The following ATXN10 variants were observed in gnomAD, a reference collection of about 807,000 sequenced individuals.
ATXN10 encodes ataxin-10.
In ATXN10, 28 loss-of-function variants were observed where a neutral mutation model predicts 52.9. That is an observed-to-expected ratio of 0.53 (90% CI 0.39 to 0.73). The LOEUF is 0.73. Ranked by LOEUF, ATXN10 falls within the 30% of genes least tolerant of loss-of-function variation. ATXN10 has a pLI of 0.00. For missense variants in ATXN10, 565 were observed against 577.0 expected, an observed-to-expected ratio of 0.98 and a Z score of 0.21; for synonymous variants, 226 against 221.5, an observed-to-expected ratio of 1.02 and a Z score of -0.18.
chr22:45,757,103 C>T lies in ATXN10; in HGVS notation c.1173+16565C>T, dbSNP rs1053907577. Among the ~76,000 whole-genome samples the T allele has an allele frequency of 1.3e-5, 2 of 152,124 alleles. No homozygotes were observed. The highest frequency in any genetic ancestry group is 4.8e-5 in the African/African-American group (2 of 41,426). On this transcript the variant is annotated intron_variant, in intron 9 of 11. Coordinates refer to ENST00000252934, the MANE Select transcript of ATXN10 (RefSeq NM_013236.4). This position sits in a 1 kb window ranked among gnomAD's most constrained non-coding sequence, Gnocchi z 4.6. ...GAGGAATGGCTTTGGTCTGCACCTG[C>T]AGCTCTGGACGGACTGCCTGGGGCT... is the stretch of plus-strand genomic sequence containing the variant.
rs1342320211 is a variant in ATXN10, at chr22:45,825,157, G to C, written c.1238-17834G>C. On this transcript the variant is annotated intron_variant, in intron 10 of 11. Coordinates refer to ENST00000252934, the MANE Select transcript of ATXN10 (RefSeq NM_013236.4). The surrounding 1 kb of genome is among the most constrained non-coding windows in gnomAD (Gnocchi z 4.5). ...AAAGACCCTGACATGCAAATATCTG[G>C]GGTCAGTGCTCTGATTACTGATTTC... is the stretch of plus-strand genomic sequence containing the variant. Among the ~76,000 whole-genome samples the C allele has an allele frequency of 1.3e-5, 2 of 152,150 alleles. No individual in the cohort carries two copies. Among genetic ancestry groups the C allele is most frequent in the African/African-American group, 4.8e-5 (2 of 41,426 alleles).
At chr22:45,814,031 T>C (rs1928375820) in intron 10 of ATXN10, among the ~76,000 whole-genome samples, 1 of 152,192 alleles carries the variant, frequency 6.6e-6, no homozygotes, top group African/African-American at 2.4e-5. Context: ...GACCTGGGAA[T>C]CCTAACTCAC....
Position 45,702,908 on chromosome 22 carries a change from A to G in ATXN10, c.647+61A>G. The G allele has an allele frequency of 1.9e-6, 3 of 1,600,038 alleles. No individual in the cohort carries two copies. The South Asian group carries it at 3.3e-5, about 18-fold the overall frequency. On this transcript the variant is annotated intron_variant, in intron 5 of 11. Coordinates refer to ENST00000252934, the MANE Select transcript of ATXN10 (RefSeq NM_013236.4). ...CATCCTGACAGATCACTTTCCTTGC[A>G]GAGGTTTTAAGTAAAAATTTGGACA...
chr22:45,735,012 G>A (rs1249957546), intron 7 of ATXN10, among the ~76,000 whole-genome samples: 2 of 151,764 alleles, frequency 1.3e-5, no homozygotes, highest in Non-Finnish European at 2.9e-5. Context: ...AGCCTCCTGT[G>A]TAGCTGCAGG....
At chr22:45,695,214 C>A (rs1923555832) in intron 3 of ATXN10, among the ~76,000 whole-genome samples, 1 of 150,146 alleles carries the variant, frequency 6.7e-6, no homozygotes, top group Non-Finnish European at 1.5e-5. Flanking sequence ...GTCCCAGCTA[C>A]TGGGGAGGCT....
At position 45,727,182 on chromosome 22, in the gene ATXN10, G is replaced by A. The variant is rs920828281; in HGVS notation, c.729-2243G>A. ...TTTAAATGTCCGTCTTGATTTCATT[G>A]TTAACCCCCAAATCATGCAGGAGCA... On this transcript the variant is annotated intron_variant, in intron 6 of 11. Coordinates refer to ENST00000252934, the MANE Select transcript of ATXN10 (RefSeq NM_013236.4). This position sits in a 1 kb window ranked among gnomAD's most constrained non-coding sequence, Gnocchi z 4.6. Among the ~76,000 whole-genome samples, 1 of 152,052 alleles carries A rather than the reference G, an allele frequency of 6.6e-6. No individual in the cohort carries two copies.
chr22:45,686,270 C>T (rs1923131225), intron 1 of ATXN10, among the ~76,000 whole-genome samples: 1 of 152,194 alleles, frequency 6.6e-6, no homozygotes, highest in Admixed American at 6.5e-5. Flanking sequence ...TGCAAACAGT[C>T]TCATCACTGT....
intron 9 of ATXN10, among the ~76,000 whole-genome samples, chr22:45,802,189 G>A (rs1358676367): frequency 1.3e-5 from 2 of 152,174 alleles, no homozygotes; most frequent in Non-Finnish European, 2.9e-5. Context: ...CAGGCTTATT[G>A]TCTCCTGGAG....
intron 9 of ATXN10, among the ~76,000 whole-genome samples, chr22:45,760,862 A>G (rs930063891): frequency 2.0e-5 from 3 of 152,090 alleles, no homozygotes; most frequent in Admixed American, 1.3e-4. Flanking sequence ...GCCCATCCTC[A>G]CTGATAAGAG....
intron 7 of ATXN10, among the ~76,000 whole-genome samples, chr22:45,737,947 C>G (rs949044249): frequency 8.5e-5 from 13 of 152,172 alleles, no homozygotes; most frequent in Admixed American, 1.3e-4. Context: ...AAGTGATCTT[C>G]TGGCCTCGGC....
intron 10 of ATXN10, among the ~76,000 whole-genome samples, chr22:45,836,892 TAATTAC>T: frequency 1.3e-5 from 2 of 152,304 alleles, no homozygotes; most frequent in South Asian, 4.1e-4. Flanking sequence ...ACAGGGCAGA[TAATTAC>T]ACAGGTTTGT....
In ATXN10 at chr22:45,692,994, A is replaced by G. The variant is rs754610439; in HGVS notation, c.309-2A>G. Reference sequence around the variant, plus strand: ...TAATTTTGTCTTTTTTAAAAAACCCAGGAACTTGGATACGATTGGTGTTGC... The same window carrying G: ...TAATTTTGTCTTTTTTAAAAAACCCGGGAACTTGGATACGATTGGTGTTGC... On this transcript the variant is annotated splice_acceptor_variant, in intron 2 of 11. Transcript: ENST00000252934. LOFTEE classifies it high-confidence loss of function. 3 of 1,614,026 alleles carry G rather than the reference A, an allele frequency of 1.9e-6. No individual in the cohort carries two copies. Among genetic ancestry groups the G allele is most frequent in the Non-Finnish European group, 2.5e-6 (3 of 1,179,898 alleles).
At chr22:45,756,534 C>A (rs1368831201) in intron 9 of ATXN10, among the ~76,000 whole-genome samples, 2 of 152,124 alleles carry the variant, frequency 1.3e-5, no homozygotes, top group Non-Finnish European at 2.9e-5. Context: ...AAATTGTGTA[C>A]CAACTTTAAG....
intron 1 of ATXN10, among the ~76,000 whole-genome samples, chr22:45,687,963 A>G (rs995166709): frequency 2.0e-5 from 3 of 152,208 alleles, no homozygotes; most frequent in Non-Finnish European, 2.9e-5. Context: ...AGGCTGAGGC[A>G]GAAGAATTGC....
chr22:45,836,831 G>C lies in ATXN10; in HGVS notation c.1238-6160G>C, dbSNP rs1006884625. 2.0e-5 allele frequency among the ~76,000 whole-genome samples: 3 copies of C among 152,230 alleles called. No homozygotes were observed. The South Asian group carries it at 6.2e-4, about 31-fold the overall frequency. On this transcript the variant is annotated intron_variant, in intron 10 of 11. Coordinates refer to ENST00000252934, the MANE Select transcript of ATXN10 (RefSeq NM_013236.4). Reference sequence around the variant, plus strand: ...CATGGTCCGAGAAGATATTTGTTTAGATGTGACAAGGGATTTGTGAAGCAT... The same window carrying C: ...CATGGTCCGAGAAGATATTTGTTTACATGTGACAAGGGATTTGTGAAGCAT...
chr22:45,831,188 G>T (rs1474275455), intron 10 of ATXN10, among the ~76,000 whole-genome samples: 2 of 152,150 alleles, frequency 1.3e-5, no homozygotes, highest in Non-Finnish European at 2.9e-5. Context: ...CTTGCCAGTG[G>T]TTGAGGGGAG....
Position 45,842,468 on chromosome 22 carries a change from A to G in ATXN10, c.1238-523A>G, listed in dbSNP as rs9626459. On this transcript the variant is annotated intron_variant, in intron 10 of 11. Coordinates refer to ENST00000252934, the MANE Select transcript of ATXN10 (RefSeq NM_013236.4). The surrounding 1 kb of genome is among the most constrained non-coding windows in gnomAD (Gnocchi z 4.8). ...GAATACTGAATGCGGGAAATTCCAC[A>G]GTGACTCCTAGGAAACAATTCTTAT... 0.11 allele frequency among the ~76,000 whole-genome samples: 16,706 copies of G among 152,218 alleles called. 965 individuals carry two copies. Among genetic ancestry groups the G allele is most frequent in the Middle Eastern group, 0.15 (45 of 294 alleles).
At chr22:45,716,373 CTGGAGTGCA>C (rs1219267967) in intron 5 of ATXN10, among the ~76,000 whole-genome samples, 2 of 147,746 alleles carry the variant, frequency 1.4e-5, no homozygotes, top group East Asian at 4.0e-4. Context: ...GTCGCCCATG[CTGGAGTGCA>C]TGGAGTGCAG....
intron 9 of ATXN10, among the ~76,000 whole-genome samples, chr22:45,751,753 AATAAAAAAAAAAT>A (rs756183747): frequency 0.048 from 4,596 of 96,222 alleles, 98 homozygotes; most frequent in Non-Finnish European, 0.067. Flanking sequence ...AAAAAAAAAA[AATAAAAAAAAAAT>A]AATAATAATA....
Sources: allele counts gnomAD v4.1 joint callset (sites outside exome capture counted in the v4.1 genomes callset), GRCh38; gene constraint gnomAD v4.1.1; non-coding constraint Gnocchi (gnomAD v3.1); transcripts MANE v1.5; gene names NCBI Gene and HGNC (gene_info 2026-07-23, HGNC 2026-07-21).